TMC5: variants seen among roughly 807,000 people sequenced by gnomAD.
TMC5 encodes transmembrane channel-like protein 5.
TMC5 carries 86 observed loss-of-function variants against 110.5 expected under a neutral mutation model. The observed-to-expected ratio is 0.78, with a 90% CI of 0.65 to 0.93. The LOEUF (loss-of-function observed/expected upper bound fraction) is 0.93, where lower values mean the gene tolerates loss of function less well. Among genes scored for constraint, TMC5 ranks in the 40% least tolerant of loss-of-function variants. The pLI is 0.00. For missense variants in TMC5, 1,144 were observed against 1,222.8 expected, an observed-to-expected ratio of 0.94 and a Z score of 0.96; for synonymous variants, 455 against 439.5, an observed-to-expected ratio of 1.04 and a Z score of -0.44.
rs748449691 is a variant in TMC5 at position 19,466,118 on chromosome 16, T to C, written c.1522T>C (p.Tyr508His). Residue 508 changes from tyrosine (Y) to histidine (H), a missense_variant, in exon 9 of 22, where the codon TAC (tyrosine) becomes CAC (histidine). Coordinates refer to ENST00000542583, the MANE Select transcript of TMC5 (RefSeq NM_001261841.2). ...FRDTVMYYGF[Y>H]TNSTIQHGNS... The stretch of plus-strand genomic sequence containing the variant: ...GGACACAGTGATGTACTATGGCTTT[T>C]ACACCAATTCCACCATCCAGCACGG... The C allele has an allele frequency of 3.1e-6, 5 of 1,614,050 alleles. No individual in the cohort carries two copies. The Admixed American group carries it at 5.0e-5, about 16-fold the overall frequency.
At chr16:19,444,951 T>G (rs1967579134) in intron 4 of TMC5, among the ~76,000 whole-genome samples, 2 of 152,074 alleles carry the variant, frequency 1.3e-5, no homozygotes, top group African/African-American at 4.8e-5. Context: ...GCCAACATGG[T>G]GAAACCCCGT....
At chr16:19,471,091 T>A (rs1968329570) in intron 10 of TMC5, among the ~76,000 whole-genome samples, 1 of 152,000 alleles carries the variant, frequency 6.6e-6, no homozygotes. Flanking sequence ...TTAAATTTTT[T>A]TTTTTTATGA....
chr16:19,453,002 A>C (rs1265532721), intron 5 of TMC5, among the ~76,000 whole-genome samples: 1 of 109,790 alleles, frequency 9.1e-6, no homozygotes, highest in Non-Finnish European at 2.2e-5. Context: ...AAAAAATTAT[A>C]TATATATATT....
chr16:19,464,232 C>A (rs1427679922), intron 8 of TMC5, among the ~76,000 whole-genome samples: 1 of 152,142 alleles, frequency 6.6e-6, no homozygotes, highest in Non-Finnish European at 1.5e-5. Flanking sequence ...GGAGACCAGC[C>A]TGGGCAACAT....
At position 19,498,026 on chromosome 16, in the gene TMC5, T is replaced by A; in HGVS notation, c.*60T>A. 3 of 1,520,134 alleles carry A rather than the reference T, an allele frequency of 2.0e-6. No homozygotes were observed. Among genetic ancestry groups the A allele is most frequent in the African/African-American group, 1.4e-5 (1 of 73,294 alleles). The allele number at this position is 1,520,134 out of a possible 1,614,324, so 94.2% of individuals were successfully genotyped here. A position where few individuals can be genotyped will look rare whatever the true frequency, so the allele number is the denominator to read the frequency against. On this transcript the variant is annotated 3_prime_UTR_variant, in exon 22 of 22. Transcript: ENST00000542583. The stretch of plus-strand genomic sequence containing the variant: ...GGGGAGGAGACGAAAATGGAATGAT[T>A]TCTTCCATGCCACCTGTGCCTTTAG...
intron 21 of TMC5, 98 bp from the exon 22 acceptor site, chr16:19,497,822 T>G: frequency 1.1e-4 from 118 of 1,068,090 alleles, no homozygotes; most frequent in Non-Finnish European, 1.5e-4. Context: ...AAAGAAGGCA[T>G]GAGAAGCTAT....
chr16:19,456,342 C>T (rs1043261524), intron 5 of TMC5: 1 of 390,004 alleles, frequency 2.6e-6, no homozygotes, highest in Non-Finnish European at 3.6e-6. Flanking sequence ...AAAAAAAAAT[C>T]TTGCCCTTTG....
At chr16:19,437,293 G>A (rs1967369809) in intron 2 of TMC5, among the ~76,000 whole-genome samples, 1 of 152,238 alleles carries the variant, frequency 6.6e-6, no homozygotes, top group Admixed American at 6.5e-5. Flanking sequence ...TAACTGGGTT[G>A]TATGCTCTGA....
intron 1 of TMC5, among the ~76,000 whole-genome samples, chr16:19,428,407 C>T (rs751944307): frequency 1.2e-4 from 18 of 151,442 alleles, no homozygotes; most frequent in Non-Finnish European, 1.9e-4. Flanking sequence ...CTCCCAGCCT[C>T]AAACGATTGC....
intron 18 of TMC5, among the ~76,000 whole-genome samples, chr16:19,491,499 GA>G (rs1431210626): frequency 6.6e-6 from 1 of 150,934 alleles, no homozygotes; most frequent in African/African-American, 2.4e-5. Flanking sequence ...GGGAAGGGGG[GA>G]AAGGTTATAT....
At chr16:19,457,709 C>CTGTTTTTTT (rs1967916213) in intron 5 of TMC5, among the ~76,000 whole-genome samples, 1 of 43,906 alleles carries the variant, frequency 2.3e-5, no homozygotes, top group Non-Finnish European at 5.3e-5. Flanking sequence ...AGACTACATT[C>CTGTTTTTTT]TTTTTTTTTT....
intron 5 of TMC5, among the ~76,000 whole-genome samples, chr16:19,459,302 G>C (rs936880853): frequency 7.9e-5 from 12 of 152,134 alleles, no homozygotes; most frequent in African/African-American, 2.9e-4. Context: ...CCATTAACAA[G>C]GAGGAAATGA....
intron 5 of TMC5, among the ~76,000 whole-genome samples, chr16:19,458,216 A>G (rs1967936264): frequency 6.6e-6 from 1 of 151,816 alleles, no homozygotes; most frequent in Non-Finnish European, 1.5e-5. Flanking sequence ...ATTTAATTTA[A>G]TGTATTTATT....
At chr16:19,465,532 AAAATAAATAAAT>A (rs568378758) in intron 8 of TMC5, among the ~76,000 whole-genome samples, 1 of 152,012 alleles carries the variant, frequency 6.6e-6, no homozygotes, top group Admixed American at 6.6e-5. Flanking sequence ...CCATCTCAAA[AAAATAAATAAAT>A]AAATAAATAA....
intron 1 of TMC5, among the ~76,000 whole-genome samples, chr16:19,419,647 C>T (rs1051696797): frequency 2.6e-5 from 4 of 151,722 alleles, no homozygotes; most frequent in South Asian, 4.2e-4. Flanking sequence ...CTCCTGACCT[C>T]GTGATCCATC....
At position 19,440,776 on chromosome 16, in the gene TMC5, T is replaced by C; in HGVS notation, c.738T>C (p.Ala246=). The change falls in exon 3 of 22, where the codon GCT becomes GCC. Residue 246 remains alanine, a synonymous_variant. Transcript: ENST00000542583. Reference sequence around the variant, plus strand: ...GGAGAGAACCTGATTATTCAGATGCTGAGAATGGTCATGATTATGGCTCTT... The same window carrying C: ...GGAGAGAACCTGATTATTCAGATGCCGAGAATGGTCATGATTATGGCTCTT... The part of the protein sequence containing the change: ...STWREPDYSD[A]ENGHDYGSSE... 1 of 1,614,034 alleles carries C rather than the reference T, an allele frequency of 6.2e-7. No homozygotes were observed. Among genetic ancestry groups the C allele is most frequent in the Non-Finnish European group, 8.5e-7 (1 of 1,180,038 alleles).
chr16:19,447,921 C>T (rs1967650029), intron 4 of TMC5, among the ~76,000 whole-genome samples: 1 of 151,862 alleles, frequency 6.6e-6, no homozygotes, highest in Non-Finnish European at 1.5e-5. Flanking sequence ...CCAGGGGGCG[C>T]ACAACTAGGA....
At chr16:19,448,149 CAAAAAAAAAAAA>C (rs36050231) in intron 4 of TMC5, among the ~76,000 whole-genome samples, 10,587 of 76,500 alleles carry the variant, frequency 0.14, 774 homozygotes, top group Middle Eastern at 0.33. Flanking sequence ...GAGCAAGTCT[CAAAAAAAAAAAA>C]AAAAAAGAGT....
At chr16:19,477,359 A>G (rs1384362204) in intron 12 of TMC5, 81 bp from the exon 13 acceptor site, 4 of 1,046,640 alleles carry the variant, frequency 3.8e-6, no homozygotes, top group South Asian at 1.3e-5. Context: ...CTATCTTACC[A>G]TGTGCCCCAA....
Sources: allele counts gnomAD v4.1 joint callset (sites outside exome capture counted in the v4.1 genomes callset), GRCh38; gene constraint gnomAD v4.1.1; transcripts MANE v1.5; gene names NCBI Gene and HGNC (gene_info 2026-07-23, HGNC 2026-07-21).